Variants in CNTNAP2 observed in about 807,000 individuals in gnomAD.
CNTNAP2 encodes the protein contactin-associated protein-like 2.
Under a neutral mutation model 155.2 loss-of-function variants are expected in CNTNAP2, and 98 were observed. The observed-to-expected ratio is 0.63, with a 90% CI of 0.54 to 0.75. CNTNAP2 has a LOEUF of 0.75. Ranked by LOEUF, CNTNAP2 falls within the 30% of genes least tolerant of loss-of-function variation. The pLI, the probability that CNTNAP2 is intolerant of heterozygous loss-of-function variation, is 0.00. For synonymous variants in CNTNAP2, 651 were observed against 631.2 expected, an observed-to-expected ratio of 1.03 and a Z score of -0.47; for missense variants, 1,727 against 1,688.1, an observed-to-expected ratio of 1.02 and a Z score of -0.40.
chr7:147,772,900 C>T (rs187685000), intron 13 of CNTNAP2, among the ~76,000 whole-genome samples: 1 of 152,270 alleles, frequency 6.6e-6, no homozygotes, highest in African/African-American at 2.4e-5. Flanking sequence ...CTTGATTCAG[C>T]CACCTCATCA....
intron 1 of CNTNAP2, among the ~76,000 whole-genome samples, chr7:146,733,563 TATA>T (rs1358375251): frequency 6.6e-6 from 1 of 152,118 alleles, no homozygotes; most frequent in Non-Finnish European, 1.5e-5. Flanking sequence ...AGTCTCATAT[TATA>T]ATAAGATTAA....
intron 14 of CNTNAP2, among the ~76,000 whole-genome samples, chr7:147,976,958 T>C (rs73747304): frequency 0.018 from 2,692 of 152,262 alleles, 89 homozygotes; most frequent in African/African-American, 0.062. Context: ...GACATCACAC[T>C]GCTTTGTGCC....
intron 1 of CNTNAP2, among the ~76,000 whole-genome samples, chr7:146,667,540 T>C (rs946628507): frequency 2.0e-5 from 3 of 152,072 alleles, no homozygotes; most frequent in Admixed American, 2.0e-4. Flanking sequence ...GAGAAGGCAT[T>C]CACTCCACAG....
chr7:146,820,879 T>A (rs1197627075), intron 2 of CNTNAP2, among the ~76,000 whole-genome samples: 1 of 152,200 alleles, frequency 6.6e-6, no homozygotes, highest in Non-Finnish European at 1.5e-5. Flanking sequence ...TTAGAATAGT[T>A]AGCTCTTCTT....
At chr7:148,234,540 G>T (rs147055322) in intron 20 of CNTNAP2, among the ~76,000 whole-genome samples, 1 of 152,302 alleles carries the variant, frequency 6.6e-6, no homozygotes, top group East Asian at 1.9e-4. Context: ...CCCAATAAAA[G>T]TCAGAGTCAA....
chr7:146,674,365 C>A (rs1370928467), intron 1 of CNTNAP2, among the ~76,000 whole-genome samples: 3 of 152,030 alleles, frequency 2.0e-5, no homozygotes, highest in African/African-American at 7.2e-5. Context: ...TAGTAGATAG[C>A]ATTTATCTAA....
chr7:147,418,927 C>T (rs533894834), intron 10 of CNTNAP2, among the ~76,000 whole-genome samples: 1 of 152,248 alleles, frequency 6.6e-6, no homozygotes, highest in East Asian at 1.9e-4. Flanking sequence ...ACTTTCATGA[C>T]CACTGTGTCT....
chr7:147,906,793 C>T (rs912894127), intron 14 of CNTNAP2, among the ~76,000 whole-genome samples: 2 of 152,094 alleles, frequency 1.3e-5, no homozygotes, highest in African/African-American at 4.8e-5. Context: ...ATATTAGCCT[C>T]TGAAGCCATT....
chr7:147,225,657 T>C (rs1350754007), intron 8 of CNTNAP2, among the ~76,000 whole-genome samples: 1 of 152,058 alleles, frequency 6.6e-6, no homozygotes, highest in Non-Finnish European at 1.5e-5. Context: ...ATTGTGCTTC[T>C]TTGTTTTACA....
chr7:146,633,798 C>T (rs2129159360), intron 1 of CNTNAP2, among the ~76,000 whole-genome samples: 1 of 132,378 alleles, frequency 7.6e-6, no homozygotes. Context: ...CCACTGCACT[C>T]CAGCCTGGGC....
chr7:148,291,205 G>T (rs1046978435), intron 21 of CNTNAP2, among the ~76,000 whole-genome samples: 2 of 151,762 alleles, frequency 1.3e-5, no homozygotes, highest in Non-Finnish European at 2.9e-5. Flanking sequence ...ATTAGTATAT[G>T]AGAGTTCGCA....
chr7:146,743,668 A>G (rs1386821567), intron 1 of CNTNAP2, among the ~76,000 whole-genome samples: 1 of 152,170 alleles, frequency 6.6e-6, no homozygotes, highest in African/African-American at 2.4e-5. Context: ...TAATATTGTA[A>G]TATGACAATA....
At chr7:147,668,348 A>G (rs1174803702) in intron 13 of CNTNAP2, among the ~76,000 whole-genome samples, 1 of 152,236 alleles carries the variant, frequency 6.6e-6, no homozygotes, top group African/African-American at 2.4e-5. Context: ...GAAAGAAAGA[A>G]ACCCAGCAAA....
intron 1 of CNTNAP2, among the ~76,000 whole-genome samples, chr7:146,614,836 A>C (rs1262259064): frequency 6.6e-6 from 1 of 152,160 alleles, no homozygotes; most frequent in Non-Finnish European, 1.5e-5. Context: ...TATATAAACC[A>C]GTGAATCGTG....
intron 13 of CNTNAP2, among the ~76,000 whole-genome samples, chr7:147,733,468 T>A (rs147178575): frequency 0.19 from 28,374 of 152,212 alleles, 3,048 homozygotes; most frequent in Middle Eastern, 0.38. Context: ...CCTCCAGCTT[T>A]GTTCTTTTGG....
chr7:147,516,849 T>C (rs907422814), intron 11 of CNTNAP2, among the ~76,000 whole-genome samples: 1 of 120,656 alleles, frequency 8.3e-6, no homozygotes, highest in Non-Finnish European at 1.6e-5. Context: ...CTTTCTTTTC[T>C]TTTTTTTTTT....
chr7:146,254,984 A>G lies in CNTNAP2; in HGVS notation c.97+138011A>G, dbSNP rs183002983. On this transcript the variant is annotated intron_variant, in intron 1 of 23. Transcript: ENST00000361727. ...AAACACCACATTTCAAAAGGATTGCATGATATCAGAATGGGAATTTCTAGT... is the reference window on the plus strand; with the variant it reads ...AAACACCACATTTCAAAAGGATTGCGTGATATCAGAATGGGAATTTCTAGT... 1.1e-4 allele frequency among the ~76,000 whole-genome samples: 17 copies of G among 152,312 alleles called. No homozygotes were observed. In the East Asian group the frequency reaches 3.3e-3, roughly 29 times the overall value.
chr7:148,118,313 C>T (rs371904472), intron 16 of CNTNAP2, 25 bp downstream of exon 16: 11 of 1,613,268 alleles, frequency 6.8e-6, no homozygotes, highest in African/African-American at 2.7e-5. Context: ...CTTGTCAACT[C>T]ATGGGGAGCC....
chr7:146,675,496 A>T (rs916006864), intron 1 of CNTNAP2, among the ~76,000 whole-genome samples: 1 of 152,194 alleles, frequency 6.6e-6, no homozygotes, highest in Non-Finnish European at 1.5e-5. Flanking sequence ...TTTATTTTAA[A>T]TGATGGGCAA....
Sources: allele counts gnomAD v4.1 joint callset (sites outside exome capture counted in the v4.1 genomes callset), GRCh38; gene constraint gnomAD v4.1.1; transcripts MANE v1.5; gene names NCBI Gene and HGNC (gene_info 2026-07-23, HGNC 2026-07-21).